Variants in MCU observed in about 807,000 individuals in gnomAD.
MCU encodes the protein mitochondrial calcium uniporter.
In MCU, 12 loss-of-function variants were observed where a neutral mutation model predicts 45.2. The observed-to-expected ratio is 0.27, with a 90% confidence interval of 0.17 to 0.43. The LOEUF is 0.43. Among genes scored for constraint, MCU ranks in the 20% least tolerant of loss-of-function variants. The pLI is 1.00. For synonymous variants in MCU, 160 were observed against 165.1 expected (o/e 0.97, Z 0.24); for missense variants, 324 against 436.7 (o/e 0.74, Z 2.30).
intron 1 of MCU, among the ~76,000 whole-genome samples, chr10:72,830,514 T>G (rs1660256448): frequency 6.6e-6 from 1 of 152,188 alleles, no homozygotes; most frequent in African/African-American, 2.4e-5. Context: ...GATAAAATGT[T>G]GATAAATATA....
chr10:72,884,524 TTACAG>T, intron 7 of MCU, 142 bp downstream of exon 7: 1 of 581,116 alleles, frequency 1.7e-6, no homozygotes, highest in Non-Finnish European at 3.1e-6. Flanking sequence ...CCTCAGTTGA[TTACAG>T]TAACTATTTT....
chr10:72,801,371 T>TG (rs1467419374), intron 1 of MCU, among the ~76,000 whole-genome samples: 1 of 149,512 alleles, frequency 6.7e-6, no homozygotes, highest in East Asian at 1.9e-4. Context: ...TTTTTTTTTT[T>TG]GCTGAAAGTA....
intron 1 of MCU, chr10:72,693,156 T>C (rs1842645852): frequency 7.8e-7 from 1 of 1,284,190 alleles, no homozygotes; most frequent in Admixed American, 2.0e-5. Flanking sequence ...GGATTTCTGT[T>C]TGAACACTCT....
Position 72,885,635 on chromosome 10 carries a change from G to C in MCU, c.979-110G>C, listed in dbSNP as rs553872769. ...GCACTCTTATTTTGAGAGTTATTGA[G>C]ATGATCTCTCTGACTTATAGTAATG... On this transcript the variant is annotated intron_variant, in intron 7 of 7. Coordinates refer to ENST00000373053, the MANE Select transcript of MCU (RefSeq NM_138357.3). 1.4e-4 allele frequency: 96 copies of C among 708,926 alleles called. 2 individuals carry two copies. In the South Asian group the frequency reaches 1.7e-3, roughly 12 times the overall value. The allele number at this position is 708,926 out of a possible 1,614,324, so 43.9% of individuals were successfully genotyped here. A position where few individuals can be genotyped will look rare whatever the true frequency, so the allele number is the denominator to read the frequency against.
intron 2 of MCU, among the ~76,000 whole-genome samples, chr10:72,850,338 TCA>T (rs1845189365): frequency 6.6e-6 from 1 of 152,170 alleles, no homozygotes; most frequent in East Asian, 1.9e-4. Context: ...AATGTTAAGA[TCA>T]TAAGCCCCTG....
At chr10:72,723,643 TA>T (rs1564538731) in intron 1 of MCU, among the ~76,000 whole-genome samples, 4 of 152,224 alleles carry the variant, frequency 2.6e-5, no homozygotes, top group African/African-American at 9.6e-5. Flanking sequence ...TGCTCAGCAT[TA>T]TACCAAATAT....
chr10:72,765,485 A>T (rs1176269268), intron 1 of MCU, among the ~76,000 whole-genome samples: 2 of 152,070 alleles, frequency 1.3e-5, no homozygotes, highest in Admixed American at 6.6e-5. Flanking sequence ...TATTAAGGCA[A>T]ATACCTCCAG....
chr10:72,754,892 A>T (rs1266990094), intron 1 of MCU, among the ~76,000 whole-genome samples: 1 of 152,170 alleles, frequency 6.6e-6, no homozygotes, highest in Non-Finnish European at 1.5e-5. Flanking sequence ...GTTTGCAGAC[A>T]TTTTTTGCAG....
chr10:72,801,837 A>G (rs1844347083), intron 1 of MCU, among the ~76,000 whole-genome samples: 1 of 151,482 alleles, frequency 6.6e-6, no homozygotes, highest in Non-Finnish European at 1.5e-5. Flanking sequence ...ATGCCTGGCT[A>G]AGTTTTTGTA....
At chr10:72,732,559 C>T (rs1038579930) in intron 1 of MCU, among the ~76,000 whole-genome samples, 3 of 152,076 alleles carry the variant, frequency 2.0e-5, no homozygotes, top group East Asian at 1.9e-4. Context: ...TCTGGTGAAC[C>T]GAATTAAAGC....
intron 1 of MCU, among the ~76,000 whole-genome samples, chr10:72,695,480 C>T (rs1225847347): frequency 3.3e-5 from 5 of 152,190 alleles, no homozygotes; most frequent in Admixed American, 6.6e-5. Flanking sequence ...TGCACTGTCC[C>T]ATACATTCAT....
intron 1 of MCU, among the ~76,000 whole-genome samples, chr10:72,718,333 C>T (rs928304554): frequency 6.6e-6 from 1 of 152,138 alleles, no homozygotes; most frequent in African/African-American, 2.4e-5. Context: ...ATTTTAGCAT[C>T]ATCAATTTCA....
At chr10:72,741,029 CT>C (rs1170309353) in intron 1 of MCU, among the ~76,000 whole-genome samples, 3 of 150,960 alleles carry the variant, frequency 2.0e-5, no homozygotes, top group African/African-American at 4.9e-5. Context: ...AATTAACAAT[CT>C]TTTTTTCTCA....
At chr10:72,701,965 C>G (rs574282996) in intron 1 of MCU, among the ~76,000 whole-genome samples, 11 of 152,172 alleles carry the variant, frequency 7.2e-5, no homozygotes, top group Admixed American at 3.3e-4. Context: ...CCCAGCCGGG[C>G]GCTGTGGCTC....
chr10:72,803,778 TTTTCTGTA>T (rs1238863699), intron 1 of MCU, among the ~76,000 whole-genome samples: 4 of 151,696 alleles, frequency 2.6e-5, no homozygotes, highest in Admixed American at 6.6e-5. Context: ...TATTTATTGT[TTTTCTGTA>T]AATACTTCAA....
At chr10:72,779,881 A>G (rs1843962417) in intron 1 of MCU, among the ~76,000 whole-genome samples, 1 of 152,198 alleles carries the variant, frequency 6.6e-6, no homozygotes, top group Non-Finnish European at 1.5e-5. Flanking sequence ...GCCTCTCAAA[A>G]TGTTGAACAT....
At chr10:72,819,248 A>G (rs1470176049) in intron 1 of MCU, among the ~76,000 whole-genome samples, 1 of 152,210 alleles carries the variant, frequency 6.6e-6, no homozygotes, top group Non-Finnish European at 1.5e-5. Flanking sequence ...TACTTTGAGG[A>G]AGTAGCTTTT....
chr10:72,733,680 CAT>C (rs139729772), intron 1 of MCU, among the ~76,000 whole-genome samples: 855 of 84,768 alleles, frequency 0.01, 13 homozygotes, highest in East Asian at 0.036. Flanking sequence ...ATATATGTTT[CAT>C]ATATATATAT....
At chr10:72,750,404 CTG>C (rs1843477376) in intron 1 of MCU, among the ~76,000 whole-genome samples, 1 of 152,244 alleles carries the variant, frequency 6.6e-6, no homozygotes, top group African/African-American at 2.4e-5. Flanking sequence ...AGGTACAAAA[CTG>C]AGCTCTGAGA....
Sources: allele counts gnomAD v4.1 joint callset (sites outside exome capture counted in the v4.1 genomes callset), GRCh38; gene constraint gnomAD v4.1.1; transcripts MANE v1.5; gene names NCBI Gene and HGNC (gene_info 2026-07-23, HGNC 2026-07-21).